KAT2B: variants seen among roughly 807,000 people sequenced by gnomAD.
KAT2B encodes the protein lysine acetyltransferase 2B.
In KAT2B, 36 loss-of-function variants were observed where a neutral mutation model predicts 105.9. That is an observed-to-expected ratio of 0.34 (90% confidence interval 0.26 to 0.45). The LOEUF (loss-of-function observed/expected upper bound fraction) is 0.45. Among genes scored for constraint, KAT2B ranks in the 20% least tolerant of loss-of-function variants. The pLI is 1.00. For missense variants in KAT2B, 820 were observed against 1,021.6 expected (o/e 0.80, Z 2.69); for synonymous variants, 397 against 377.9 (o/e 1.05, Z -0.59).
intron 1 of KAT2B, among the ~76,000 whole-genome samples, chr3:20,070,317 T>TTG (rs1698298866): frequency 1.5e-5 from 2 of 132,246 alleles, no homozygotes; most frequent in South Asian, 5.5e-4. Context: ...TTCTTTTTTT[T>TTG]TTTTTTGAGA....
chr3:20,146,281 T>C (rs776883730), intron 13 of KAT2B, 35 bp from the exon 14 acceptor site: 2 of 1,234,142 alleles, frequency 1.6e-6, no homozygotes, highest in Non-Finnish European at 1.2e-6. Flanking sequence ...CATAGACTTC[T>C]TTCCCTAAAC....
intron 1 of KAT2B, among the ~76,000 whole-genome samples, chr3:20,055,836 G>T (rs1250587258): frequency 6.6e-6 from 1 of 152,160 alleles, no homozygotes; most frequent in Non-Finnish European, 1.5e-5. Flanking sequence ...TTGGAAGCAA[G>T]CACTGATCTG....
intron 8 of KAT2B, among the ~76,000 whole-genome samples, chr3:20,119,994 TG>T (rs879537930): frequency 2.0e-5 from 3 of 152,226 alleles, no homozygotes; most frequent in Non-Finnish European, 2.9e-5. Flanking sequence ...TGGCTGGGCT[TG>T]GTTGCAAGTT....
rs1395017160 is a variant in KAT2B at position 20,062,413 on chromosome 3, A to G, written c.304-9920A>G. On this transcript the variant is annotated intron_variant, in intron 1 of 17. Transcript: ENST00000263754. ...CATAATAAATTATATATTATATATT[A>G]TATATTATTATATATAATATATAAT... Among the ~76,000 whole-genome samples, 12 of 90,856 alleles carry G rather than the reference A, an allele frequency of 1.3e-4. 1 individual carries two copies. The highest frequency in any genetic ancestry group is 5.3e-4 in the African/African-American group (11 of 20,834). The allele number at this position is 90,856 out of a possible 152,430, so 59.6% of individuals were successfully genotyped here. A position where few individuals can be genotyped will look rare whatever the true frequency, so the allele number is the denominator to read the frequency against.
At chr3:20,151,016 G>GT (rs936076103) in intron 17 of KAT2B, among the ~76,000 whole-genome samples, 7 of 152,226 alleles carry the variant, frequency 4.6e-5, no homozygotes, top group Non-Finnish European at 7.4e-5. Flanking sequence ...CAATTTCATT[G>GT]TTTTTTTCTT....
chr3:20,059,423 A>G (rs984406783), intron 1 of KAT2B, among the ~76,000 whole-genome samples: 7 of 149,772 alleles, frequency 4.7e-5, no homozygotes, highest in Non-Finnish European at 7.4e-5. Flanking sequence ...AAAAAAAAAA[A>G]AAAAAAAAAA....
chr3:20,137,114 C>A, intron 12 of KAT2B, 62 bp downstream of exon 12: 1 of 836,362 alleles, frequency 1.2e-6, no homozygotes, highest in Non-Finnish European at 2.0e-6. Flanking sequence ...TCTCAGGTAG[C>A]GTTCTTCCAA....
intron 1 of KAT2B, among the ~76,000 whole-genome samples, chr3:20,054,049 C>T (rs7651283): frequency 0.06 from 9,178 of 152,262 alleles, 518 homozygotes; most frequent in East Asian, 0.3. Flanking sequence ...CCATCCTCCT[C>T]GGCCTCCCAA....
rs554257736 is a variant in KAT2B at position 20,144,580 on chromosome 3, A to C, written c.2005-1736A>C. On this transcript the variant is annotated intron_variant, in intron 13 of 17. Coordinates refer to ENST00000263754, the MANE Select transcript of KAT2B (RefSeq NM_003884.5). ...CTGGGATTACAGGCGTGAGCCACCAAGCCCAGCCAGGTTTCTTTTTTCTTT... is the reference window on the plus strand; with the variant it reads ...CTGGGATTACAGGCGTGAGCCACCACGCCCAGCCAGGTTTCTTTTTTCTTT... Among the ~76,000 whole-genome samples, 144 of 147,376 alleles carry C rather than the reference A, an allele frequency of 9.8e-4. 1 individual carries two copies. Among genetic ancestry groups the C allele is most frequent in the East Asian group, 7.5e-3 (36 of 4,826 alleles).
intron 1 of KAT2B, among the ~76,000 whole-genome samples, chr3:20,056,884 C>T (rs1441759570): frequency 6.6e-6 from 1 of 152,158 alleles, no homozygotes; most frequent in African/African-American, 2.4e-5. Flanking sequence ...ATTACTTGTC[C>T]TACAGGGTTG....
chr3:20,111,473 C>T, intron 5 of KAT2B, 123 bp from the exon 6 acceptor site: 1 of 708,430 alleles, frequency 1.4e-6, no homozygotes, highest in Non-Finnish European at 2.3e-6. Flanking sequence ...GATATTGTTG[C>T]TTGTTATTGC....
At chr3:20,050,126 G>C (rs1697889194) in intron 1 of KAT2B, among the ~76,000 whole-genome samples, 1 of 151,570 alleles carries the variant, frequency 6.6e-6, no homozygotes, top group African/African-American at 2.4e-5. Flanking sequence ...CTTGAGCCCA[G>C]GAGGCAGAGA....
At chr3:20,045,690 A>G (rs1234028275) in intron 1 of KAT2B, among the ~76,000 whole-genome samples, 1 of 152,166 alleles carries the variant, frequency 6.6e-6, no homozygotes, top group Non-Finnish European at 1.5e-5. Flanking sequence ...AGAGGAGGCA[A>G]TAGGGTATAG....
chr3:20,106,070 A>G (rs4241546), intron 5 of KAT2B, among the ~76,000 whole-genome samples: 96,685 of 151,968 alleles, frequency 0.64, 31,290 homozygotes, highest in African/African-American at 0.76. Flanking sequence ...ACTAGGGCAG[A>G]TCAGTTTATT....
chr3:20,040,811 G>C (rs770736546), intron 1 of KAT2B, 31 bp downstream of exon 1: 2 of 1,554,930 alleles, frequency 1.3e-6, no homozygotes, highest in Non-Finnish European at 1.7e-6. Flanking sequence ...GACCGCGGAT[G>C]GGTGCTAGGG....
intron 1 of KAT2B, among the ~76,000 whole-genome samples, chr3:20,053,214 T>G (rs550584980): frequency 6.6e-6 from 1 of 152,242 alleles, no homozygotes; most frequent in East Asian, 1.9e-4. Flanking sequence ...CACTGTTTCC[T>G]CTTCTGCAAG....
chr3:20,118,713 C>T (rs13096876), intron 7 of KAT2B, among the ~76,000 whole-genome samples: 14,041 of 89,474 alleles, frequency 0.16, 973 homozygotes, highest in Middle Eastern at 0.24. Context: ...GCGACAAAAG[C>T]GAAACTTTGT....
Position 20,111,602 on chromosome 3 carries a change from G to A in KAT2B, c.858G>A (p.Leu286=), listed in dbSNP as rs564191256. 165 of 1,608,966 alleles carry A rather than the reference G, an allele frequency of 1.0e-4. No individual in the cohort carries two copies. The highest frequency in any genetic ancestry group is 1.3e-4 in the Non-Finnish European group (155 of 1,177,670). ...TTGACTTCTCTTGTCACAGGTGGCT[G>A]TGTTACTGCAACGTGCCACAGTTCT... ...SGYKENYTRW[L]CYCNVPQFCD... Residue 286 remains leucine, a synonymous_variant, in exon 6 of 18, where the codon CTG becomes CTA. Coordinates refer to ENST00000263754, the MANE Select transcript of KAT2B (RefSeq NM_003884.5).
chr3:20,043,058 A>T (rs1452728248), intron 1 of KAT2B, among the ~76,000 whole-genome samples: 1 of 151,940 alleles, frequency 6.6e-6, no homozygotes, highest in Non-Finnish European at 1.5e-5. Context: ...GCGCCAGTAC[A>T]CTATTATTAT....
Sources: gnomAD v4.1 joint callset for allele counts (sites outside exome capture counted in the v4.1 genomes callset) on GRCh38, gnomAD v4.1.1 for gene constraint, MANE v1.5 for transcripts, NCBI Gene and HGNC (gene_info 2026-07-23, HGNC 2026-07-21) for gene names.